The following KHDRBS2 variants were observed in gnomAD, a reference collection of about 807,000 sequenced individuals.
KHDRBS2 encodes KH RNA binding domain containing, signal transduction associated 2, also known as KH domain-containing, RNA-binding, signal transduction-associated protein 2.
KHDRBS2 carries 26 observed loss-of-function variants against 44.3 expected under a neutral mutation model. The observed-to-expected ratio is 0.59, with a 90% CI of 0.43 to 0.81. The LOEUF (loss-of-function observed/expected upper bound fraction) is 0.81. KHDRBS2 is among the 40% of genes least tolerant of loss of function. The probability of loss-of-function intolerance (pLI) is 0.00; values close to 1 mark genes in which losing one functional copy is unlikely to be tolerated. For missense variants in KHDRBS2, 476 were observed against 433.1 expected (o/e 1.10, Z -0.88); for synonymous variants, 194 against 151.1 (o/e 1.28, Z -2.08).
the KHDRBS2 span, among the ~76,000 whole-genome samples, chr6:61,582,424 C>T: frequency 1.3e-5 from 2 of 151,446 alleles, no homozygotes; most frequent in South Asian, 2.1e-4. Context: ...TAAATTTAAT[C>T]AGAATAAAGT....
chr6:61,768,808 C>T (rs1373963240), intron 6 of KHDRBS2, among the ~76,000 whole-genome samples: 1 of 151,994 alleles, frequency 6.6e-6, no homozygotes, highest in Non-Finnish European at 1.5e-5. Context: ...CGATCATTTA[C>T]CTGATTTTTT....
chr6:61,905,854 C>CTTTTTTTTTT (rs10676797), intron 4 of KHDRBS2, among the ~76,000 whole-genome samples: 1 of 114,176 alleles, frequency 8.8e-6, no homozygotes, highest in African/African-American at 3.4e-5. Flanking sequence ...CAAAACTTTT[C>CTTTTTTTTTT]TTTTTTTTTT....
At chr6:62,077,339 G>A (rs1177919881) in intron 2 of KHDRBS2, among the ~76,000 whole-genome samples, 11 of 151,990 alleles carry the variant, frequency 7.2e-5, no homozygotes, top group Non-Finnish European at 7.4e-5. Flanking sequence ...GGGGATGGGA[G>A]GGAAGCTGCC....
the KHDRBS2 span, among the ~76,000 whole-genome samples, chr6:61,658,927 T>C: frequency 6.6e-6 from 1 of 151,944 alleles, no homozygotes; most frequent in Non-Finnish European, 1.5e-5. Context: ...ATTTCAACAA[T>C]CTCTATACAA....
At chr6:62,262,014 T>C (rs1211521889) in intron 1 of KHDRBS2, among the ~76,000 whole-genome samples, 1 of 151,754 alleles carries the variant, frequency 6.6e-6, no homozygotes, top group Non-Finnish European at 1.5e-5. Context: ...CTTAAAAGTG[T>C]AAGATAATAA....
the KHDRBS2 span, among the ~76,000 whole-genome samples, chr6:61,587,369 C>G: frequency 1.3e-5 from 2 of 151,668 alleles, no homozygotes; most frequent in Admixed American, 6.6e-5. Flanking sequence ...TTTTATCTCT[C>G]TCTCTCTCTC....
At chr6:62,185,811 T>A (rs1461950273) in intron 1 of KHDRBS2, among the ~76,000 whole-genome samples, 1 of 152,040 alleles carries the variant, frequency 6.6e-6, no homozygotes, top group Non-Finnish European at 1.5e-5. Flanking sequence ...AGGCTTGGCT[T>A]ACAGTTCCTC....
chr6:62,271,621 A>G (rs985120294), intron 1 of KHDRBS2, among the ~76,000 whole-genome samples: 1 of 152,128 alleles, frequency 6.6e-6, no homozygotes, highest in African/African-American at 2.4e-5. Flanking sequence ...AAGACCTCCC[A>G]GTAGGACAAG....
intron 8 of KHDRBS2, among the ~76,000 whole-genome samples, chr6:61,690,932 G>C (rs184929064): frequency 6.6e-6 from 1 of 152,166 alleles, no homozygotes; most frequent in African/African-American, 2.4e-5. Flanking sequence ...AGGATCCTTT[G>C]AATGTGCCCC....
intron 2 of KHDRBS2, among the ~76,000 whole-genome samples, chr6:62,139,241 G>C (rs1812234691): frequency 1.3e-5 from 2 of 151,906 alleles, no homozygotes; most frequent in Non-Finnish European, 2.9e-5. Flanking sequence ...CTATTAATTT[G>C]AGTTAAAAAT....
rs150361432 is a variant in KHDRBS2, at chr6:61,970,306, TA to T, written c.483+7759del. Among the ~76,000 whole-genome samples, 763 of 150,772 alleles carry T rather than the reference TA, an allele frequency of 5.1e-3. 10 individuals are homozygous for T. Among genetic ancestry groups the T allele is most frequent in the South Asian group, 0.046 (221 of 4,760 alleles). ...TGAATAAAGTAAAGAGCTGATTAGT[TA>T]AAAAAAAACTGCATATTTTCAGACT... is the stretch of plus-strand genomic sequence containing the variant. On this transcript the variant is annotated intron_variant, in intron 4 of 8. Coordinates refer to ENST00000281156, the MANE Select transcript of KHDRBS2 (RefSeq NM_152688.4).
rs575998626 is a variant in KHDRBS2 at position 62,171,227 on chromosome 6, C to CA, written c.219+5957dup. 2.1e-3 allele frequency among the ~76,000 whole-genome samples: 319 copies of CA among 151,706 alleles called. 1 individual carries two copies. The highest frequency in any genetic ancestry group is 7.2e-3 in the African/African-American group (300 of 41,412). On this transcript the variant is annotated intron_variant, in intron 2 of 8. Transcript: ENST00000281156. Reference sequence around the variant, plus strand: ...TCTATTCCAAGGAATCTAAGGAATACAAAAAAAGAACCAAGTAATCTGATA... The same window carrying CA: ...TCTATTCCAAGGAATCTAAGGAATACAAAAAAAAGAACCAAGTAATCTGATA...
At chr6:61,939,615 G>C (rs897629159) in intron 4 of KHDRBS2, among the ~76,000 whole-genome samples, 2 of 152,196 alleles carry the variant, frequency 1.3e-5, no homozygotes, top group African/African-American at 4.8e-5. Context: ...GGATGAAGAA[G>C]AAGTGGGTAT....
chr6:62,156,782 C>T (rs1434775511), intron 2 of KHDRBS2, among the ~76,000 whole-genome samples: 1 of 151,550 alleles, frequency 6.6e-6, no homozygotes, highest in Non-Finnish European at 1.5e-5. Flanking sequence ...CACCATTCTC[C>T]TGCCTCAGCC....
intron 1 of KHDRBS2, among the ~76,000 whole-genome samples, chr6:62,253,454 ATCTC>A (rs1836868977): frequency 6.6e-6 from 1 of 151,774 alleles, no homozygotes; most frequent in African/African-American, 2.4e-5. Flanking sequence ...CATTAGGGCA[ATCTC>A]TCTCTGTCTC....
At chr6:62,062,604 G>C (rs1355247410) in intron 2 of KHDRBS2, among the ~76,000 whole-genome samples, 1 of 149,256 alleles carries the variant, frequency 6.7e-6, no homozygotes, top group African/African-American at 2.4e-5. Flanking sequence ...CAACATACCA[G>C]AATCTCTGGG....
chr6:62,172,078 A>G (rs1292086496), intron 2 of KHDRBS2, among the ~76,000 whole-genome samples: 1 of 152,126 alleles, frequency 6.6e-6, no homozygotes, highest in Non-Finnish European at 1.5e-5. Flanking sequence ...CACATATCCA[A>G]ACTAACCTTG....
At chr6:61,648,211 G>A in the KHDRBS2 span, among the ~76,000 whole-genome samples, 4 of 151,856 alleles carry the variant, frequency 2.6e-5, no homozygotes, top group African/African-American at 4.8e-5. Flanking sequence ...GAGTTTTTAT[G>A]GAACTAGGTG....
intron 1 of KHDRBS2, among the ~76,000 whole-genome samples, chr6:62,196,966 C>T (rs1016395512): frequency 2.0e-5 from 3 of 152,008 alleles, no homozygotes; most frequent in Non-Finnish European, 4.4e-5. Flanking sequence ...AGTACTATGT[C>T]GTTCATTCTA....
Sources: gnomAD v4.1 joint callset for allele counts (sites outside exome capture counted in the v4.1 genomes callset) on GRCh38, gnomAD v4.1.1 for gene constraint, MANE v1.5 for transcripts, NCBI Gene and HGNC (gene_info 2026-07-23, HGNC 2026-07-21) for gene names.